GRIA1: variants seen among roughly 807,000 people sequenced by gnomAD.
GRIA1 encodes the protein glutamate ionotropic receptor AMPA type subunit 1, also known as glutamate receptor 1.
A neutral mutation model predicts 99.2 loss-of-function variants in GRIA1; 31 were observed. The ratio of observed to expected loss-of-function variants is 0.31; its 90% confidence interval spans 0.23 to 0.42. GRIA1 has a LOEUF of 0.42. Among genes scored for constraint, GRIA1 ranks in the 10% least tolerant of loss-of-function variants. GRIA1 has a pLI of 1.00. For synonymous variants in GRIA1, 438 were observed against 432.4 expected (o/e 1.01, Z -0.16); for missense variants, 782 against 1,157.5 (o/e 0.68, Z 4.71).
chr5:153,672,947 G>GA (rs1469097868), intron 5 of GRIA1, among the ~76,000 whole-genome samples: 2 of 152,174 alleles, frequency 1.3e-5, no homozygotes, highest in Non-Finnish European at 2.9e-5. Context: ...TGTGACTTCT[G>GA]AAAAAAGTTC....
rs569983685 is a variant in GRIA1, at chr5:153,519,370, G to A, written c.220+25305G>A. Among the ~76,000 whole-genome samples, 3 of 152,094 alleles carry A rather than the reference G, an allele frequency of 2.0e-5. No individual in the cohort carries two copies. In the South Asian group the frequency reaches 6.2e-4, roughly 32 times the overall value. On this transcript the variant is annotated intron_variant, in intron 2 of 15. Transcript: ENST00000285900. ...GCACTCTGTTTTAACAGGCCCCGCA[G>A]ATGATTCTGAAGATGCTCACCAAAG...
chr5:153,561,971 G>A (rs1264431387), intron 2 of GRIA1, among the ~76,000 whole-genome samples: 2 of 152,224 alleles, frequency 1.3e-5, no homozygotes, highest in East Asian at 3.8e-4. Context: ...CAAAGCGATA[G>A]AACACTGATA....
chr5:153,764,693 T>C, intron 12 of GRIA1, 61 bp downstream of exon 12: 1 of 1,211,048 alleles, frequency 8.3e-7, no homozygotes, highest in Non-Finnish European at 1.2e-6. Flanking sequence ...GTCATTAAAA[T>C]GTCCTTCTCA....
At chr5:153,566,325 A>G (rs1282879082) in intron 2 of GRIA1, among the ~76,000 whole-genome samples, 1 of 1,580 alleles carries the variant, frequency 6.3e-4, no homozygotes, top group South Asian at 0.045. Context: ...TTTTTTCCAG[A>G]GACAGAGTCT....
chr5:153,633,424 C>A (rs1169166150), intron 2 of GRIA1, among the ~76,000 whole-genome samples: 1 of 152,150 alleles, frequency 6.6e-6, no homozygotes, highest in Non-Finnish European at 1.5e-5. Context: ...TTGTTTCCTG[C>A]CATGTTTTGA....
chr5:153,619,842 G>T (rs1766862011), intron 2 of GRIA1, among the ~76,000 whole-genome samples: 2 of 152,148 alleles, frequency 1.3e-5, no homozygotes, highest in African/African-American at 4.8e-5. Context: ...TCAGGAAATG[G>T]ATGCTCAAGT....
chr5:153,502,806 G>A (rs524905), intron 2 of GRIA1, among the ~76,000 whole-genome samples: 118,300 of 152,116 alleles, frequency 0.78, 46,736 homozygotes, highest in African/African-American at 0.92. Context: ...TAGGATGAAA[G>A]TAAAGTTTGA....
At chr5:153,572,537 A>G (rs1762199738) in intron 2 of GRIA1, among the ~76,000 whole-genome samples, 2 of 152,176 alleles carry the variant, frequency 1.3e-5, no homozygotes. Flanking sequence ...GAATGCCACA[A>G]TTGATTAGAG....
chr5:153,748,197 A>AAG (rs1479943425), intron 11 of GRIA1, among the ~76,000 whole-genome samples: 3 of 152,150 alleles, frequency 2.0e-5, no homozygotes, highest in Non-Finnish European at 4.4e-5. Context: ...TGAAAAAAAT[A>AAG]AGAGAAAAGA....
At chr5:153,578,170 A>AAAAAAAAAAAAAAAAAAAAG (rs1561658005) in intron 2 of GRIA1, among the ~76,000 whole-genome samples, 1 of 119,252 alleles carries the variant, frequency 8.4e-6, no homozygotes, top group African/African-American at 2.9e-5. Flanking sequence ...AAAAAAAAAA[A>AAAAAAAAAAAAAAAAAAAAG]AAAGAAAGAA....
In GRIA1 at chr5:153,813,032, T is replaced by C. The variant is rs1188973307; in HGVS notation, c.*1807T>C. ...TTGGCTTTTCTGTGGATTCTCTCAG[T>C]GGACCCACACCATCTCTATGTCTCT... On this transcript the variant is annotated 3_prime_UTR_variant, in exon 16 of 16. Coordinates refer to ENST00000285900, the MANE Select transcript of GRIA1 (RefSeq NM_000827.4). 1 of 152,234 alleles carries C rather than the reference T, an allele frequency of 6.6e-6. No homozygotes were observed. The highest frequency in any genetic ancestry group is 1.5e-5 in the Non-Finnish European group (1 of 68,046). 9.4% of individuals were successfully genotyped at this position (152,234 alleles called of 1,614,324 possible).
At chr5:153,712,148 T>C (rs1476155693) in intron 11 of GRIA1, among the ~76,000 whole-genome samples, 1 of 152,000 alleles carries the variant, frequency 6.6e-6, no homozygotes, top group Non-Finnish European at 1.5e-5. Flanking sequence ...ACCTCCCGGG[T>C]TCAAGCAATT....
At chr5:153,714,190 A>G (rs1365862482) in intron 11 of GRIA1, among the ~76,000 whole-genome samples, 1 of 152,146 alleles carries the variant, frequency 6.6e-6, no homozygotes, top group Non-Finnish European at 1.5e-5. Flanking sequence ...GGCTCTGGAT[A>G]GTCATTGCCA....
intron 11 of GRIA1, among the ~76,000 whole-genome samples, chr5:153,726,025 A>G (rs1760500224): frequency 6.7e-6 from 1 of 150,372 alleles, no homozygotes; most frequent in African/African-American, 2.4e-5. Flanking sequence ...AAGAACAGAA[A>G]TTATAACAAA....
chr5:153,758,420 G>GA (rs1370638009), intron 11 of GRIA1, among the ~76,000 whole-genome samples: 2 of 151,482 alleles, frequency 1.3e-5, no homozygotes, highest in African/African-American at 2.4e-5. Context: ...ACTTATATCA[G>GA]AAAAAAGTAC....
Position 153,494,306 on chromosome 5 carries a change from C to G in GRIA1, c.220+241C>G, listed in dbSNP as rs565517813. On this transcript the variant is annotated intron_variant, in intron 2 of 15. Coordinates refer to ENST00000285900, the MANE Select transcript of GRIA1 (RefSeq NM_000827.4). ...CTGTCAGCTAACTTTAATGCCAGCA[C>G]GATGGGTGCTTGGGTTGACTGCATC... 21 of 502,964 alleles carry G rather than the reference C, an allele frequency of 4.2e-5. 1 individual carries two copies. Among genetic ancestry groups the G allele is most frequent in the South Asian group, 3.2e-4 (13 of 41,008 alleles). The allele number at this position is 502,964 out of a possible 1,614,324, so 31.2% of individuals were successfully genotyped here.
At chr5:153,738,332 G>C (rs1235743585) in intron 11 of GRIA1, among the ~76,000 whole-genome samples, 1 of 149,598 alleles carries the variant, frequency 6.7e-6, no homozygotes, top group Non-Finnish European at 1.5e-5. Context: ...GGAGACAAGA[G>C]TAGGGAAAGG....
At chr5:153,582,129 G>A (rs759603006) in intron 2 of GRIA1, among the ~76,000 whole-genome samples, 2 of 152,192 alleles carry the variant, frequency 1.3e-5, no homozygotes. Flanking sequence ...GCACAGAATA[G>A]ATCTATTATC....
intron 2 of GRIA1, among the ~76,000 whole-genome samples, chr5:153,620,213 G>A (rs529702590): frequency 4.6e-5 from 7 of 152,154 alleles, no homozygotes; most frequent in Admixed American, 1.3e-4. Flanking sequence ...TGTACATGCC[G>A]AAATGAGCAC....
Sources: allele counts gnomAD v4.1 joint callset (sites outside exome capture counted in the v4.1 genomes callset), GRCh38; gene constraint gnomAD v4.1.1; transcripts MANE v1.5; gene names NCBI Gene and HGNC (gene_info 2026-07-23, HGNC 2026-07-21).